Variants in TRPS1 observed in about 807,000 individuals in gnomAD.
TRPS1 encodes zinc finger transcription factor Trps1.
Under a neutral mutation model 101.2 loss-of-function variants are expected in TRPS1, and 6 were observed. That is an observed-to-expected ratio of 0.06 (90% CI 0.03 to 0.12). The LOEUF (loss-of-function observed/expected upper bound fraction) is 0.12. TRPS1 is among the 10% of genes least tolerant of loss of function. The pLI, the probability that TRPS1 is intolerant of heterozygous loss-of-function variation, is 1.00. For missense variants in TRPS1, 1,363 were observed against 1,567.0 expected, an observed-to-expected ratio of 0.87 and a Z score of 2.20; for synonymous variants, 578 against 589.8, an observed-to-expected ratio of 0.98 and a Z score of 0.29.
chr8:115,474,016 T>C (rs1173593296), intron 5 of TRPS1, among the ~76,000 whole-genome samples: 1 of 152,170 alleles, frequency 6.6e-6, no homozygotes, highest in Non-Finnish European at 1.5e-5. Flanking sequence ...AATTTCAAAA[T>C]CATTCATGTT....
At chr8:115,518,265 G>A (rs567882758) in intron 5 of TRPS1, among the ~76,000 whole-genome samples, 29 of 151,766 alleles carry the variant, frequency 1.9e-4, no homozygotes, top group South Asian at 8.3e-4. Flanking sequence ...AAAGCTAAAG[G>A]AAACTATCCT....
intron 5 of TRPS1, among the ~76,000 whole-genome samples, chr8:115,580,398 C>T (rs921349268): frequency 2.0e-5 from 3 of 151,812 alleles, no homozygotes; most frequent in Admixed American, 6.6e-5. Context: ...TGGGCTCTGC[C>T]GGAAAATTAC....
chr8:115,478,316 G>T (rs1814656918), intron 5 of TRPS1, among the ~76,000 whole-genome samples: 1 of 152,098 alleles, frequency 6.6e-6, no homozygotes, highest in Non-Finnish European at 1.5e-5. Flanking sequence ...TTTTTGAGCT[G>T]TATTGACTCA....
intron 5 of TRPS1, among the ~76,000 whole-genome samples, chr8:115,443,617 T>C (rs964423784): frequency 5.9e-5 from 9 of 152,196 alleles, no homozygotes; most frequent in African/African-American, 2.2e-4. Context: ...TAACTAGCCA[T>C]GTGACCTTGG....
chr8:115,475,106 T>C (rs1486751565), intron 5 of TRPS1, among the ~76,000 whole-genome samples: 1 of 151,870 alleles, frequency 6.6e-6, no homozygotes, highest in Non-Finnish European at 1.5e-5. Flanking sequence ...AATGCATTAG[T>C]GTTATTTTAA....
At chr8:115,558,951 G>C (rs973961610) in intron 5 of TRPS1, among the ~76,000 whole-genome samples, 1 of 151,854 alleles carries the variant, frequency 6.6e-6, no homozygotes. Context: ...ATATGTTAAG[G>C]GGTAACATTG....
At chr8:115,553,928 G>A (rs1288531747) in intron 5 of TRPS1, among the ~76,000 whole-genome samples, 3 of 152,056 alleles carry the variant, frequency 2.0e-5, no homozygotes, top group Non-Finnish European at 4.4e-5. Flanking sequence ...TTATTATCAG[G>A]CTCTGATAGC....
At chr8:115,643,911 A>G (rs76717249) in intron 1 of TRPS1, among the ~76,000 whole-genome samples, 1,621 of 152,330 alleles carry the variant, frequency 0.011, 42 homozygotes, top group African/African-American at 0.038. Flanking sequence ...AGGCATGAAC[A>G]TAACATTCAT....
intron 5 of TRPS1, among the ~76,000 whole-genome samples, chr8:115,440,910 C>CAA (rs1279907198): frequency 6.6e-6 from 1 of 152,118 alleles, no homozygotes; most frequent in Non-Finnish European, 1.5e-5. Flanking sequence ...GTTAAATAAA[C>CAA]TATTATTTAA....
At chr8:115,584,830 T>A (rs553525980) in intron 5 of TRPS1, among the ~76,000 whole-genome samples, 2 of 152,198 alleles carry the variant, frequency 1.3e-5, no homozygotes, top group East Asian at 3.9e-4. Flanking sequence ...CATATACAGC[T>A]AATAACCTAA....
intron 5 of TRPS1, among the ~76,000 whole-genome samples, chr8:115,518,118 T>TTC (rs769581250): frequency 4.1e-3 from 1 of 244 alleles, no homozygotes; most frequent in Non-Finnish European, 9.1e-3. Context: ...AGCAACAGGC[T>TTC]CAATGCACAG....
At chr8:115,574,898 C>G (rs1817281688) in intron 5 of TRPS1, among the ~76,000 whole-genome samples, 1 of 152,086 alleles carries the variant, frequency 6.6e-6, no homozygotes, top group Non-Finnish European at 1.5e-5. Context: ...ATCATATTCA[C>G]TTTTTCCACT....
intron 1 of TRPS1, among the ~76,000 whole-genome samples, chr8:115,660,917 G>A (rs940715708): frequency 1.3e-5 from 2 of 151,886 alleles, no homozygotes; most frequent in Non-Finnish European, 2.9e-5. Flanking sequence ...ACATTTGGGT[G>A]ACGCACAGAA....
chr8:115,550,975 A>T (rs1816690890), intron 5 of TRPS1, among the ~76,000 whole-genome samples: 1 of 152,182 alleles, frequency 6.6e-6, no homozygotes, highest in African/African-American at 2.4e-5. Context: ...CAAAGAGATA[A>T]TCTCACAGTG....
At chr8:115,483,009 T>C (rs1364608366) in intron 5 of TRPS1, among the ~76,000 whole-genome samples, 2 of 152,204 alleles carry the variant, frequency 1.3e-5, no homozygotes, top group East Asian at 3.9e-4. Flanking sequence ...GAACTGTAAA[T>C]GCATAAACAT....
chr8:115,634,705 A>G (rs1335355635), intron 1 of TRPS1, among the ~76,000 whole-genome samples: 1 of 152,176 alleles, frequency 6.6e-6, no homozygotes, highest in African/African-American at 2.4e-5. Flanking sequence ...AAGAGTTAAC[A>G]TATCATGAGA....
intron 5 of TRPS1, among the ~76,000 whole-genome samples, chr8:115,551,284 A>G (rs904276180): frequency 1.3e-5 from 2 of 152,372 alleles, no homozygotes; most frequent in Non-Finnish European, 2.9e-5. Flanking sequence ...CAAAAGAAGA[A>G]AAATGCTTCT....
intron 5 of TRPS1, among the ~76,000 whole-genome samples, chr8:115,458,891 G>A (rs1017795221): frequency 1.3e-5 from 2 of 152,254 alleles, no homozygotes; most frequent in Admixed American, 6.5e-5. Context: ...TTAATATTCT[G>A]CAGTACATTT....
At chr8:115,555,372 AC>A in intron 5 of TRPS1, among the ~76,000 whole-genome samples, 1 of 87,222 alleles carries the variant, frequency 1.1e-5, no homozygotes, top group Non-Finnish European at 2.2e-5. Context: ...TCTGTTTCTC[AC>A]TTCCAACATC....
Sources: allele counts gnomAD v4.1 joint callset (sites outside exome capture counted in the v4.1 genomes callset), GRCh38; gene constraint gnomAD v4.1.1; transcripts MANE v1.5; gene names NCBI Gene and HGNC (gene_info 2026-07-23, HGNC 2026-07-21).